KIF4B: variants seen among roughly 807,000 people sequenced by gnomAD.
KIF4B encodes chromosome-associated kinesin KIF4B.
KIF4B carries 60 observed loss-of-function variants against 69.0 expected under a neutral mutation model. The observed-to-expected ratio is 0.87, with a 90% CI of 0.71 to 1.08. The LOEUF is 1.08. Ranked by LOEUF, KIF4B falls within the 50% of genes least tolerant of loss-of-function variation. KIF4B has a pLI of 0.00. For synonymous variants in KIF4B, 489 were observed against 533.0 expected (o/e 0.92, Z 1.14); for missense variants, 1,357 against 1,451.9 (o/e 0.93, Z 1.06).
Position 155,015,404 on chromosome 5 carries a change from T to A in KIF4B, c.1545T>A (p.His515Gln). The stretch of plus-strand genomic sequence containing the variant: ...CTTCTGACGCTTTTACCACTCAGCA[T>A]GCTCTCCATCAAGCTCAGATGTCTA... ...SRSSDAFTTQ[H>Q]ALHQAQMSKE... Residue 515 changes from histidine to glutamine, a missense_variant, in exon 1 of 1, where the codon CAT (histidine) becomes CAA (glutamine). By Grantham distance (24) the His-to-Gln change is conservative. Transcript: ENST00000435029. 6.2e-7 allele frequency: 1 copy of A among 1,614,226 alleles called. No homozygotes were observed. The highest frequency in any genetic ancestry group is 8.5e-7 in the Non-Finnish European group (1 of 1,180,044).
Position 155,014,358 on chromosome 5 carries a change from C to T in KIF4B, c.499C>T (p.Pro167Ser). 1 of 1,614,174 alleles carries T rather than the reference C, an allele frequency of 6.2e-7. No homozygotes were observed. The part of the protein sequence containing the change: ...EKAQINIRED[P>S]KEGIKIVGLT... ...AGCTCAAATAAATATACGGGAGGATCCTAAGGAAGGCATAAAGATTGTGGG... is the reference window on the plus strand; with the variant it reads ...AGCTCAAATAAATATACGGGAGGATTCTAAGGAAGGCATAAAGATTGTGGG... Residue 167 changes from proline (P) to serine (S), a missense_variant, in exon 1 of 1, where the codon CCT (proline) becomes TCT (serine). Pro to Ser is a moderately conservative substitution (Grantham distance 74). Coordinates refer to ENST00000435029, the MANE Select transcript of KIF4B (RefSeq NM_001099293.3).
rs779309592 is a variant in KIF4B at position 155,017,420 on chromosome 5, C to T, written c.3561C>T (p.Pro1187=). 1.1e-5 allele frequency: 17 copies of T among 1,614,048 alleles called. No homozygotes were observed. The East Asian group carries it at 2.4e-4, about 23-fold the overall frequency. The part of the protein sequence containing the change: ...QVLSKKTAPA[P]SPFDLPESKH... Reference sequence around the variant, plus strand: ...TGTCAAAGAAGACTGCTCCAGCTCCCTCCCCTTTTGACCTCCCAGAGTCGA... The same window carrying T: ...TGTCAAAGAAGACTGCTCCAGCTCCTTCCCCTTTTGACCTCCCAGAGTCGA... The change falls in exon 1 of 1, where the codon CCC becomes CCT. Residue 1187 remains proline, a synonymous_variant. Coordinates refer to ENST00000435029, the MANE Select transcript of KIF4B (RefSeq NM_001099293.3).
In KIF4B at chr5:155,017,443, C is replaced by T. The variant is rs1415310652; in HGVS notation, c.3584C>T (p.Ser1195Leu). ...CCCTCCCCTTTTGACCTCCCAGAGT[C>T]GAAACATGGAGCAACAGAATACCAA... The part of the protein sequence containing the change: ...PAPSPFDLPE[S>L]KHGATEYQQN... The change falls in exon 1 of 1, where the codon TCG becomes TTG. Residue 1195 changes from serine (S) to leucine (L), a missense_variant. By Grantham distance (145) the Ser-to-Leu change is moderately radical. Coordinates refer to ENST00000435029, the MANE Select transcript of KIF4B (RefSeq NM_001099293.3). 6.2e-6 allele frequency: 10 copies of T among 1,613,944 alleles called. No individual in the cohort carries two copies. In the East Asian group the frequency reaches 6.7e-5, roughly 11 times the overall value.
chr5:155,016,058 C>A lies in KIF4B; in HGVS notation c.2199C>A (p.Ser733Arg). 1.1e-5 allele frequency: 18 copies of A among 1,613,952 alleles called. No individual in the cohort carries two copies. Among genetic ancestry groups the A allele is most frequent in the Non-Finnish European group, 1.5e-5 (18 of 1,180,002 alleles). ...EVTDKRKETQSHGKEGIAARV... is the reference protein window; with the variant it reads ...EVTDKRKETQRHGKEGIAARV... ...CAGATAAGCGGAAAGAGACTCAGAG[C>A]CATGGAAAGGAAGGTATTGCAGCTC... Residue 733 changes from serine (S) to arginine (R), a missense_variant, in exon 1 of 1, where the codon AGC becomes AGA. Coordinates refer to ENST00000435029, the MANE Select transcript of KIF4B (RefSeq NM_001099293.3).
In KIF4B at chr5:155,017,705, G is replaced by A. The variant is rs1765354591; in HGVS notation, c.*141G>A. 2 of 1,404,076 alleles carry A rather than the reference G, an allele frequency of 1.4e-6. No individual in the cohort carries two copies. Among genetic ancestry groups the A allele is most frequent in the Admixed American group, 2.9e-5 (1 of 35,012 alleles). The allele number at this position is 1,404,076 out of a possible 1,614,324, so 87.0% of individuals were successfully genotyped here. On this transcript the variant is annotated 3_prime_UTR_variant, in exon 1 of 1. Transcript: ENST00000435029. ...AGGAACAAAGCATTACTAAAAAGAA[G>A]GTAACCTTTGTTGGATGTTGTCCCT...
chr5:155,016,695 A>G lies in KIF4B; in HGVS notation c.2836A>G (p.Lys946Glu). Residue 946 changes from lysine (K) to glutamate (E), a missense_variant, in exon 1 of 1, where the codon AAG becomes GAG. Coordinates refer to ENST00000435029, the MANE Select transcript of KIF4B (RefSeq NM_001099293.3). ...SQLQESQMAEKQLEKSASEKE... is the reference protein window; with the variant it reads ...SQLQESQMAEEQLEKSASEKE... ...GCTGCAGGAAAGCCAAATGGCAGAG[A>G]AGCAGTTAGAGAAATCAGCCAGTGA... 1 of 1,614,242 alleles carries G rather than the reference A, an allele frequency of 6.2e-7. No individual in the cohort carries two copies. Among genetic ancestry groups the G allele is most frequent in the Non-Finnish European group, 8.5e-7 (1 of 1,180,040 alleles).
Position 155,018,114 on chromosome 5 carries a change from C to G in KIF4B, c.*550C>G, listed in dbSNP as rs939185182. The G allele has an allele frequency of 1.8e-5, 3 of 167,876 alleles. No homozygotes were observed. Among genetic ancestry groups the G allele is most frequent in the Non-Finnish European group, 2.9e-5 (2 of 68,832 alleles). The allele number at this position is 167,876 out of a possible 1,614,324, so 10.4% of individuals were successfully genotyped here. ...TATTTTTAAATGTTAAGTAAATAAA[C>G]CTTAGCCCATCTACTGTTAAAAAAA... is the stretch of plus-strand genomic sequence containing the variant. On this transcript the variant is annotated 3_prime_UTR_variant, in exon 1 of 1. Transcript: ENST00000435029.
rs781281000 is a variant in KIF4B at position 155,013,962 on chromosome 5, G to C, written c.103G>C (p.Val35Leu). The stretch of plus-strand genomic sequence containing the variant: ...GGGCTGCCAGATGTGCCTTTCCTTC[G>C]TGCCCGGGGAGACTCAGGTGGTGGT... ...SEGCQMCLSFVPGETQVVVGT... is the reference protein window; with the variant it reads ...SEGCQMCLSFLPGETQVVVGT... The change falls in exon 1 of 1, where the codon GTG becomes CTG. Residue 35 changes from valine to leucine, a missense_variant. Coordinates refer to ENST00000435029, the MANE Select transcript of KIF4B (RefSeq NM_001099293.3). 6.2e-7 allele frequency: 1 copy of C among 1,614,124 alleles called. No individual in the cohort carries two copies. The highest frequency in any genetic ancestry group is 1.7e-5 in the Admixed American group (1 of 60,014).
At position 155,014,273 on chromosome 5, in the gene KIF4B, G is replaced by A. The variant is rs758134138; in HGVS notation, c.414G>A (p.Val138=). 15 of 1,614,062 alleles carry A rather than the reference G, an allele frequency of 9.3e-6. No individual in the cohort carries two copies. Among genetic ancestry groups the A allele is most frequent in the Non-Finnish European group, 1.7e-6 (2 of 1,180,054 alleles). The change falls in exon 1 of 1, where the codon GTG becomes GTA. Residue 138 remains valine, a synonymous_variant. Coordinates refer to ENST00000435029, the MANE Select transcript of KIF4B (RefSeq NM_001099293.3). Reference sequence around the variant, plus strand: ...GTGACTTTGAATTTACTCTGAAAGTGTCTTACTTAGAGATTTACAATGAAG... The same window carrying A: ...GTGACTTTGAATTTACTCTGAAAGTATCTTACTTAGAGATTTACAATGAAG... ...KKSDFEFTLK[V]SYLEIYNEEI...
In KIF4B at chr5:155,013,977, C is replaced by T. The variant is rs1191567163; in HGVS notation, c.118C>T (p.Gln40Ter). Residue 40 changes from glutamine to a stop codon, truncating the protein, a stop_gained, in exon 1 of 1, where the codon CAG becomes TAG. Transcript: ENST00000435029. LOFTEE classifies it high-confidence loss of function. The part of the protein sequence containing the change: ...MCLSFVPGET[Q>*]VVVGTDKSFT... ...CCTTTCCTTCGTGCCCGGGGAGACTCAGGTGGTGGTTGGTACTGATAAATC... is the reference window on the plus strand; with the variant it reads ...CCTTTCCTTCGTGCCCGGGGAGACTTAGGTGGTGGTTGGTACTGATAAATC... 6.8e-6 allele frequency: 11 copies of T among 1,614,112 alleles called. No homozygotes were observed. Among genetic ancestry groups the T allele is most frequent in the Non-Finnish European group, 9.3e-6 (11 of 1,180,054 alleles).
Position 155,014,071 on chromosome 5 carries a change from C to A in KIF4B, c.212C>A (p.Pro71Gln), listed in dbSNP as rs752730303. ...GAAGTCTTCAATAAAGCAGTAGCGC[C>A]GCTCATAAAAGGCATATTTAAAGGA... is the stretch of plus-strand genomic sequence containing the variant. ...QEEVFNKAVA[P>Q]LIKGIFKGYN... Residue 71 changes from proline (P) to glutamine (Q), a missense_variant, in exon 1 of 1, where the codon CCG (proline) becomes CAG (glutamine). Physicochemically the swap from Pro to Gln is moderately conservative, Grantham distance 76 (BLOSUM62 -1). Transcript: ENST00000435029. The A allele has an allele frequency of 6.2e-7, 1 of 1,614,054 alleles. No homozygotes were observed. Among genetic ancestry groups the A allele is most frequent in the East Asian group, 2.2e-5 (1 of 44,892 alleles).
rs938925046 is a variant in KIF4B at position 155,017,398 on chromosome 5, C to T, written c.3539C>T (p.Ser1180Leu). 8 of 1,613,984 alleles carry T rather than the reference C, an allele frequency of 5.0e-6. No homozygotes were observed. Among genetic ancestry groups the T allele is most frequent in the Non-Finnish European group, 6.8e-6 (8 of 1,180,014 alleles). ...KEMCDMEQVL[S>L]KKTAPAPSPF... ...ATGTGTGACATGGAGCAGGTGCTGTCAAAGAAGACTGCTCCAGCTCCCTCC... is the reference window on the plus strand; with the variant it reads ...ATGTGTGACATGGAGCAGGTGCTGTTAAAGAAGACTGCTCCAGCTCCCTCC... Residue 1180 changes from serine to leucine, a missense_variant, in exon 1 of 1, where the codon TCA (serine) becomes TTA (leucine). By Grantham distance (145) the Ser-to-Leu change is moderately radical. Coordinates refer to ENST00000435029, the MANE Select transcript of KIF4B (RefSeq NM_001099293.3).
chr5:155,017,479 C>T lies in KIF4B; in HGVS notation c.3620C>T (p.Pro1207Leu). The T allele has an allele frequency of 6.2e-7, 1 of 1,614,086 alleles. No individual in the cohort carries two copies. Among genetic ancestry groups the T allele is most frequent in the Non-Finnish European group, 8.5e-7 (1 of 1,180,010 alleles). ...HGATEYQQNK[P>L]PGKKKKRALA... ...GCAACAGAATACCAACAAAATAAGCCTCCAGGGAAGAAAAAGAAACGAGCT... is the reference window on the plus strand; with the variant it reads ...GCAACAGAATACCAACAAAATAAGCTTCCAGGGAAGAAAAAGAAACGAGCT... The change falls in exon 1 of 1, where the codon CCT (proline) becomes CTT (leucine). Residue 1207 changes from proline (P) to leucine (L), a missense_variant. Transcript: ENST00000435029.
At position 155,017,197 on chromosome 5, in the gene KIF4B, G is replaced by A. The variant is rs1765346207; in HGVS notation, c.3338G>A (p.Ser1113Asn). Residue 1113 changes from serine to asparagine, a missense_variant, in exon 1 of 1, where the codon AGC (serine) becomes AAC (asparagine). Physicochemically the swap from Ser to Asn is conservative, Grantham distance 46. Coordinates refer to ENST00000435029, the MANE Select transcript of KIF4B (RefSeq NM_001099293.3). ...AAGTCAGACTGTGGTGTGGACTGTAGCTGTGACCCCACAAAGTGTCGGAAC... is the reference window on the plus strand; with the variant it reads ...AAGTCAGACTGTGGTGTGGACTGTAACTGTGACCCCACAAAGTGTCGGAAC... ...KQKSDCGVDC[S>N]CDPTKCRNRQ... The A allele has an allele frequency of 3.7e-6, 6 of 1,614,076 alleles. No homozygotes were observed. In the South Asian group the frequency reaches 6.6e-5, roughly 18 times the overall value.
rs1561757357 is a variant in KIF4B at position 155,016,933 on chromosome 5, C to T, written c.3074C>T (p.Pro1025Leu). ...DSSFEYIPPKPKPSRVKEKFL... is the reference protein window; with the variant it reads ...DSSFEYIPPKLKPSRVKEKFL... Reference sequence around the variant, plus strand: ...TCTTTTGAATATATCCCACCTAAGCCAAAACCTTCTCGTGTTAAAGAAAAG... The same window carrying T: ...TCTTTTGAATATATCCCACCTAAGCTAAAACCTTCTCGTGTTAAAGAAAAG... Residue 1025 changes from proline (P) to leucine (L), a missense_variant, in exon 1 of 1, where the codon CCA (proline) becomes CTA (leucine). Coordinates refer to ENST00000435029, the MANE Select transcript of KIF4B (RefSeq NM_001099293.3). 2.5e-6 allele frequency: 4 copies of T among 1,614,076 alleles called. No individual in the cohort carries two copies. The highest frequency in any genetic ancestry group is 4.5e-5 in the East Asian group (2 of 44,892).
In KIF4B at chr5:155,014,370, A is replaced by G. The variant is rs1344718295; in HGVS notation, c.511A>G (p.Ile171Val). 13 of 1,614,244 alleles carry G rather than the reference A, an allele frequency of 8.1e-6. No homozygotes were observed. Among genetic ancestry groups the G allele is most frequent in the Non-Finnish European group, 1.1e-5 (13 of 1,180,042 alleles). The change falls in exon 1 of 1, where the codon ATA becomes GTA. Residue 171 changes from isoleucine to valine, a missense_variant. Coordinates refer to ENST00000435029, the MANE Select transcript of KIF4B (RefSeq NM_001099293.3). ...INIREDPKEG[I>V]KIVGLTEKTV... ...TATACGGGAGGATCCTAAGGAAGGCATAAAGATTGTGGGACTCACTGAGAA... is the reference window on the plus strand; with the variant it reads ...TATACGGGAGGATCCTAAGGAAGGCGTAAAGATTGTGGGACTCACTGAGAA...
chr5:155,014,540 C>A lies in KIF4B; in HGVS notation c.681C>A (p.Asp227Glu), dbSNP rs757803525. The change falls in exon 1 of 1, where the codon GAC (aspartate) becomes GAA (glutamate). Residue 227 changes from aspartate to glutamate, a missense_variant. Asp to Glu is a conservative substitution (Grantham distance 45, BLOSUM62 2). Coordinates refer to ENST00000435029, the MANE Select transcript of KIF4B (RefSeq NM_001099293.3). ...CCATAGAGCAAAGAAAGAAAAGTGA[C>A]AAGAATTGCAGCTTTCGCTCCAAGC... is the stretch of plus-strand genomic sequence containing the variant. ...TISIEQRKKS[D>E]KNCSFRSKLH... 3 of 1,613,934 alleles carry A rather than the reference C, an allele frequency of 1.9e-6. No individual in the cohort carries two copies. Among genetic ancestry groups the A allele is most frequent in the Non-Finnish European group, 2.5e-6 (3 of 1,179,962 alleles).
rs372047983 is a variant in KIF4B at position 155,014,178 on chromosome 5, G to C, written c.319G>C (p.Glu107Gln). ...GGGAGGTGCATACACTGCGGAGCAG[G>C]AGAATGAACCAACAGTTGGCATTAT... is the stretch of plus-strand genomic sequence containing the variant. ...SMGGAYTAEQ[E>Q]NEPTVGIIPR... Residue 107 changes from glutamate (E) to glutamine (Q), a missense_variant, in exon 1 of 1, where the codon GAG (glutamate) becomes CAG (glutamine). Coordinates refer to ENST00000435029, the MANE Select transcript of KIF4B (RefSeq NM_001099293.3). The C allele has an allele frequency of 4.3e-6, 7 of 1,614,252 alleles. No individual in the cohort carries two copies. Among genetic ancestry groups the C allele is most frequent in the Non-Finnish European group, 5.9e-6 (7 of 1,180,048 alleles).
At position 155,014,103 on chromosome 5, in the gene KIF4B, G is replaced by C; in HGVS notation, c.244G>C (p.Ala82Pro). ...LIKGIFKGYN[A>P]TVLAYGQTGS... Reference sequence around the variant, plus strand: ...AAAAGGCATATTTAAAGGATATAATGCAACGGTCCTGGCCTATGGGCAGAC... The same window carrying C: ...AAAAGGCATATTTAAAGGATATAATCCAACGGTCCTGGCCTATGGGCAGAC... Residue 82 changes from alanine to proline, a missense_variant, in exon 1 of 1, where the codon GCA becomes CCA. Coordinates refer to ENST00000435029, the MANE Select transcript of KIF4B (RefSeq NM_001099293.3). 1 of 1,614,200 alleles carries C rather than the reference G, an allele frequency of 6.2e-7. No homozygotes were observed. Among genetic ancestry groups the C allele is most frequent in the Non-Finnish European group, 8.5e-7 (1 of 1,180,044 alleles).
Sources: allele counts gnomAD v4.1 joint callset, GRCh38; gene constraint gnomAD v4.1.1; transcripts MANE v1.5; gene names NCBI Gene and HGNC (gene_info 2026-07-23, HGNC 2026-07-21).